Variants in GPHN observed in about 807,000 individuals in gnomAD.
GPHN encodes gephyrin.
GPHN carries 17 observed loss-of-function variants against 95.5 expected under a neutral mutation model. The ratio of observed to expected loss-of-function variants is 0.18; its 90% CI spans 0.12 to 0.27. The LOEUF (loss-of-function observed/expected upper bound fraction) is 0.27, where lower values mean the gene tolerates loss of function less well. Ranked by LOEUF, GPHN falls within the 10% of genes least tolerant of loss-of-function variation. The pLI, the probability that GPHN is intolerant of heterozygous loss-of-function variation, is 1.00. For synonymous variants in GPHN, 320 were observed against 322.5 expected (o/e 0.99, Z 0.08); for missense variants, 660 against 978.1 (o/e 0.67, Z 4.34).
chr14:66,719,743 A>C (rs1004775232), intron 2 of GPHN, among the ~76,000 whole-genome samples: 1 of 152,194 alleles, frequency 6.6e-6, no homozygotes, highest in Admixed American at 6.5e-5. Flanking sequence ...TGATTCATTA[A>C]CATAAGGATG....
At chr14:67,193,212 ACATC>A in the GPHN span, among the ~76,000 whole-genome samples, 7 of 137,840 alleles carry the variant, frequency 5.1e-5, no homozygotes, top group African/African-American at 1.9e-4. Flanking sequence ...CTCTATATAG[ACATC>A]TATCTATATA....
At chr14:66,978,151 G>A (rs1422937784) in intron 9 of GPHN, among the ~76,000 whole-genome samples, 1 of 152,214 alleles carries the variant, frequency 6.6e-6, no homozygotes, top group Non-Finnish European at 1.5e-5. Flanking sequence ...TGAGCCATCA[G>A]CAGGTCATAA....
chr14:66,973,552 A>G (rs2069970018), intron 9 of GPHN, among the ~76,000 whole-genome samples: 1 of 152,164 alleles, frequency 6.6e-6, no homozygotes. Context: ...TGATGTCAGG[A>G]TTTAAGACCA....
chr14:67,608,987 G>A, the GPHN span, among the ~76,000 whole-genome samples: 1 of 152,132 alleles, frequency 6.6e-6, no homozygotes, highest in Non-Finnish European at 1.5e-5. Context: ...TGGAAGTCAC[G>A]TCAGATCCTA....
chr14:66,597,440 G>C (rs1348795932), intron 1 of GPHN, among the ~76,000 whole-genome samples: 1 of 152,190 alleles, frequency 6.6e-6, no homozygotes, highest in African/African-American at 2.4e-5. Flanking sequence ...GCAGCATGGA[G>C]CTGGCGTATC....
At chr14:66,886,387 C>T (rs2064190390) in intron 5 of GPHN, among the ~76,000 whole-genome samples, 6 of 152,000 alleles carry the variant, frequency 3.9e-5, no homozygotes. Context: ...ATACTTTTCC[C>T]CCATGAGTGT....
chr14:67,291,504 C>T, the GPHN span, among the ~76,000 whole-genome samples: 2 of 152,090 alleles, frequency 1.3e-5, no homozygotes, highest in African/African-American at 4.8e-5. Flanking sequence ...AGGCTGGTCT[C>T]GAACTCCTGA....
intron 11 of GPHN, among the ~76,000 whole-genome samples, chr14:67,082,379 T>G (rs2076726119): frequency 6.6e-6 from 1 of 152,198 alleles, no homozygotes; most frequent in Non-Finnish European, 1.5e-5. Flanking sequence ...GCACCATTTG[T>G]TGAAGAGACT....
intron 1 of GPHN, among the ~76,000 whole-genome samples, chr14:66,680,335 T>C (rs930141147): frequency 6.6e-6 from 1 of 152,252 alleles, no homozygotes; most frequent in African/African-American, 2.4e-5. Flanking sequence ...ATTAAAATTT[T>C]ATCCTCACAG....
At chr14:67,671,129 T>C in the GPHN span, among the ~76,000 whole-genome samples, 1 of 152,202 alleles carries the variant, frequency 6.6e-6, no homozygotes, top group Non-Finnish European at 1.5e-5. Flanking sequence ...GTGAATGAGG[T>C]AGTGAATAAG....
rs572972578 is a variant in GPHN, at chr14:66,863,415, A to G, written c.295-16524A>G. Among the ~76,000 whole-genome samples, 12 of 152,282 alleles carry G rather than the reference A, an allele frequency of 7.9e-5. No homozygotes were observed. In the East Asian group the frequency reaches 2.1e-3, roughly 27 times the overall value. ...CTACCCAAAGCAATCTACAGATTCA[A>G]TGCAATCCCTATCAAAACACCAATG... On this transcript the variant is annotated intron_variant, in intron 4 of 22. Transcript: ENST00000478722.
At chr14:66,829,811 G>C (rs144224625) in intron 4 of GPHN, among the ~76,000 whole-genome samples, 2 of 152,022 alleles carry the variant, frequency 1.3e-5, no homozygotes, top group Non-Finnish European at 2.9e-5. Flanking sequence ...GCCATGCTTG[G>C]TACTGAAGTT....
At chr14:66,590,156 C>T (rs911070580) in intron 1 of GPHN, among the ~76,000 whole-genome samples, 1 of 152,110 alleles carries the variant, frequency 6.6e-6, no homozygotes, top group African/African-American at 2.4e-5. Flanking sequence ...AGAGGAATCT[C>T]TGGGACACAG....
chr14:67,225,921 C>CTGTGTGTG, the GPHN span, among the ~76,000 whole-genome samples: 1 of 85,090 alleles, frequency 1.2e-5, no homozygotes, highest in South Asian at 3.8e-4. Flanking sequence ...AAAGCTAATG[C>CTGTGTGTG]TGTGAGTGTG....
chr14:66,604,085 C>A (rs1400876748), intron 1 of GPHN, among the ~76,000 whole-genome samples: 2 of 152,062 alleles, frequency 1.3e-5, no homozygotes, highest in African/African-American at 2.4e-5. Context: ...CATAACATTG[C>A]ATGAACTATA....
chr14:67,586,968 T>G, the GPHN span: 1 of 1,538,818 alleles, frequency 6.5e-7, no homozygotes, highest in Non-Finnish European at 8.8e-7. Flanking sequence ...TTTAAGAGAT[T>G]AAATAAACTG....
intron 1 of GPHN, among the ~76,000 whole-genome samples, chr14:66,597,046 CAG>C (rs1463226078): frequency 6.6e-6 from 1 of 152,260 alleles, no homozygotes; most frequent in African/African-American, 2.4e-5. Context: ...TTCATGCTGA[CAG>C]GGGGCATTGT....
the GPHN span, among the ~76,000 whole-genome samples, chr14:67,424,208 C>G: frequency 2.0e-4 from 31 of 151,984 alleles, no homozygotes; most frequent in African/African-American, 7.0e-4. Context: ...CCATTGCACT[C>G]CAGCCTGGGC....
chr14:66,700,795 C>T (rs528253570), intron 2 of GPHN, among the ~76,000 whole-genome samples: 4 of 151,964 alleles, frequency 2.6e-5, no homozygotes, highest in African/African-American at 9.7e-5. Flanking sequence ...TGGTGGCGTG[C>T]GCCTATAGTC....
Sources: allele counts gnomAD v4.1 joint callset (sites outside exome capture counted in the v4.1 genomes callset), GRCh38; gene constraint gnomAD v4.1.1; transcripts MANE v1.5; gene names NCBI Gene and HGNC (gene_info 2026-07-23, HGNC 2026-07-21).